Variants in PLCL2 observed in about 807,000 individuals in gnomAD.
PLCL2 encodes phospholipase C like 2, also known as inactive phospholipase C-like protein 2.
Under a neutral mutation model 79.6 loss-of-function variants are expected in PLCL2, and 4 were observed. The observed-to-expected ratio is 0.05, with a 90% CI of 0.02 to 0.11. PLCL2 has a LOEUF of 0.11. Ranked by LOEUF, PLCL2 falls within the 10% of genes least tolerant of loss-of-function variation. The pLI is 1.00. For synonymous variants in PLCL2, 484 were observed against 457.7 expected, an observed-to-expected ratio of 1.06 and a Z score of -0.73; for missense variants, 895 against 1,291.0, an observed-to-expected ratio of 0.69 and a Z score of 4.70.
At chr3:17,001,521 G>A (rs2064211190) in intron 1 of PLCL2, among the ~76,000 whole-genome samples, 2 of 152,034 alleles carry the variant, frequency 1.3e-5, no homozygotes, top group Non-Finnish European at 2.9e-5. Flanking sequence ...ATTTTGATTT[G>A]ATTTTTGTAT....
At chr3:16,944,868 T>C (rs758073085) in intron 1 of PLCL2, among the ~76,000 whole-genome samples, 1 of 151,838 alleles carries the variant, frequency 6.6e-6, no homozygotes, top group Non-Finnish European at 1.5e-5. Context: ...CAAGCAATTC[T>C]CCTACCTCAG....
chr3:16,913,796 T>C (rs942335927), intron 1 of PLCL2, among the ~76,000 whole-genome samples: 3 of 152,168 alleles, frequency 2.0e-5, no homozygotes, highest in Non-Finnish European at 4.4e-5. Flanking sequence ...AATAGAACAC[T>C]GGGGGTGCTA....
intron 1 of PLCL2, among the ~76,000 whole-genome samples, chr3:16,890,881 C>A (rs1696330783): frequency 6.6e-6 from 1 of 152,152 alleles, no homozygotes; most frequent in African/African-American, 2.4e-5. Context: ...CTTTAGGGTG[C>A]CCAAAGTATA....
At chr3:17,045,065 G>T (rs2064766546) in intron 4 of PLCL2, among the ~76,000 whole-genome samples, 1 of 152,100 alleles carries the variant, frequency 6.6e-6, no homozygotes, top group Non-Finnish European at 1.5e-5. Flanking sequence ...TTATTTTAGA[G>T]TCCCTTGATC....
chr3:17,052,253 A>AAAAAG (rs60162732), intron 4 of PLCL2, among the ~76,000 whole-genome samples: 1 of 100,004 alleles, frequency 1.0e-5, no homozygotes, highest in Non-Finnish European at 2.4e-5. Context: ...AAAAAAAAAA[A>AAAAAG]TTGGGGGGGG....
At chr3:16,927,273 A>G (rs1011424681) in intron 1 of PLCL2, among the ~76,000 whole-genome samples, 2 of 152,232 alleles carry the variant, frequency 1.3e-5, no homozygotes, top group Non-Finnish European at 2.9e-5. Context: ...AATAGTGACC[A>G]AAGTGAATAT....
Position 17,035,614 on chromosome 3 carries a change from A to G in PLCL2, c.3019-7260A>G, listed in dbSNP as rs41451053. ...ATCTCCCATTTCTTCCTTCACACTG[A>G]TGCTTGTTCATGGTTCTGAAATTTT... On this transcript the variant is annotated intron_variant, in intron 3 of 5. Transcript: ENST00000615277. Among the ~76,000 whole-genome samples, 690 of 152,076 alleles carry G rather than the reference A, an allele frequency of 4.5e-3. 2 individuals carry two copies. The highest frequency in any genetic ancestry group is 0.016 in the African/African-American group (663 of 41,476).
intron 1 of PLCL2, among the ~76,000 whole-genome samples, chr3:16,922,855 C>T (rs1018244390): frequency 3.3e-5 from 5 of 152,014 alleles, no homozygotes; most frequent in Non-Finnish European, 5.9e-5. Context: ...TCCATCAAGG[C>T]ATCCATTAAT....
At chr3:17,079,437 T>C (rs1414546167) in intron 5 of PLCL2, among the ~76,000 whole-genome samples, 1 of 152,210 alleles carries the variant, frequency 6.6e-6, no homozygotes, top group African/African-American at 2.4e-5. Flanking sequence ...GCCCTTCCCA[T>C]GGCCAGGTCT....
At chr3:17,045,529 C>T (rs1013415850) in intron 4 of PLCL2, among the ~76,000 whole-genome samples, 3 of 152,130 alleles carry the variant, frequency 2.0e-5, no homozygotes, top group African/African-American at 7.2e-5. Context: ...CTATGCATCC[C>T]AGCAGTGGAG....
At chr3:16,897,392 G>A (rs894301696) in intron 1 of PLCL2, among the ~76,000 whole-genome samples, 12 of 151,786 alleles carry the variant, frequency 7.9e-5, no homozygotes. Context: ...TGTAGTTCCT[G>A]GCGAGTCCCT....
At chr3:16,999,872 G>C (rs948872592) in intron 1 of PLCL2, among the ~76,000 whole-genome samples, 1 of 151,964 alleles carries the variant, frequency 6.6e-6, no homozygotes, top group African/African-American at 2.4e-5. Context: ...TTCTCTTTTG[G>C]ATAGCCTTAA....
chr3:16,996,159 G>A (rs1310026484), intron 1 of PLCL2, among the ~76,000 whole-genome samples: 1 of 152,110 alleles, frequency 6.6e-6, no homozygotes, highest in Non-Finnish European at 1.5e-5. Flanking sequence ...GTTGTTTTGA[G>A]GAATAGAAAG....
chr3:17,076,088 C>T (rs890867077), intron 5 of PLCL2, among the ~76,000 whole-genome samples: 5 of 152,148 alleles, frequency 3.3e-5, no homozygotes, highest in African/African-American at 1.2e-4. Context: ...TAAGAAACTG[C>T]CACAGTGCTT....
intron 3 of PLCL2, among the ~76,000 whole-genome samples, chr3:17,024,986 A>T (rs550075344): frequency 1.3e-5 from 2 of 152,142 alleles, no homozygotes; most frequent in South Asian, 4.2e-4. Flanking sequence ...CCCGTTTGAA[A>T]CCCCAAGTAC....
chr3:16,959,202 A>G (rs1342710739), intron 1 of PLCL2, among the ~76,000 whole-genome samples: 1 of 152,074 alleles, frequency 6.6e-6, no homozygotes, highest in Non-Finnish European at 1.5e-5. Flanking sequence ...CCCTGTTGTA[A>G]TATCATGTGC....
chr3:16,917,703 G>T (rs182481686), intron 1 of PLCL2, among the ~76,000 whole-genome samples: 1 of 152,282 alleles, frequency 6.6e-6, no homozygotes, highest in Non-Finnish European at 1.5e-5. Context: ...GATAAAAGCT[G>T]CATGGCCTCT....
intron 1 of PLCL2, among the ~76,000 whole-genome samples, chr3:16,915,550 A>G (rs1383318711): frequency 4.6e-5 from 7 of 152,014 alleles, no homozygotes; most frequent in South Asian, 2.1e-4. Context: ...ATTTTTTTGT[A>G]GTATAGGTAG....
chr3:17,065,045 G>T (rs574093836), intron 4 of PLCL2, among the ~76,000 whole-genome samples: 1 of 151,998 alleles, frequency 6.6e-6, no homozygotes, highest in African/African-American at 2.4e-5. Context: ...TGGATTCTGA[G>T]TTTTTTATTT....
Sources: gnomAD v4.1 joint callset for allele counts (sites outside exome capture counted in the v4.1 genomes callset) on GRCh38, gnomAD v4.1.1 for gene constraint, MANE v1.5 for transcripts, NCBI Gene and HGNC (gene_info 2026-07-23, HGNC 2026-07-21) for gene names.